Variants in SLC22A5 observed in about 807,000 individuals in gnomAD.
SLC22A5 encodes solute carrier family 22 member 5, also known as organic cation/carnitine transporter 2.
Under a neutral mutation model 56.7 loss-of-function variants are expected in SLC22A5, and 44 were observed. The ratio of observed to expected loss-of-function variants is 0.78; its 90% CI spans 0.61 to 1.00. SLC22A5 has a LOEUF of 1.00. SLC22A5 is among the 50% of genes least tolerant of loss of function. The probability of loss-of-function intolerance (pLI) is 0.00; values close to 1 mark genes in which losing one functional copy is unlikely to be tolerated. For synonymous variants in SLC22A5, 278 were observed against 292.1 expected, an observed-to-expected ratio of 0.95 and a Z score of 0.49; for missense variants, 675 against 723.0, an observed-to-expected ratio of 0.93 and a Z score of 0.76.
At chr5:132,386,416 G>C (rs1752531763) in intron 4 of SLC22A5, among the ~76,000 whole-genome samples, 1 of 151,932 alleles carries the variant, frequency 6.6e-6, no homozygotes, top group Non-Finnish European at 1.5e-5. Context: ...TTTCTTTGGA[G>C]AGACGGGTTT....
In SLC22A5 at chr5:132,370,048, A is replaced by G. The variant is rs1751828398; in HGVS notation, c.76A>G (p.Ser26Gly). 6.2e-7 allele frequency: 1 copy of G among 1,613,360 alleles called. No homozygotes were observed. Among genetic ancestry groups the G allele is most frequent in the Non-Finnish European group, 8.5e-7 (1 of 1,179,744 alleles). ...PFQRLIFFLL[S>G]ASIIPNGFTG... ...CCAGCGCCTCATCTTCTTCCTGCTC[A>G]GCGCCAGCATCATCCCCAATGGCTT... The change falls in exon 1 of 10, where the codon AGC (serine) becomes GGC (glycine). Residue 26 changes from serine to glycine, a missense_variant. Ser to Gly is a moderately conservative substitution (Grantham distance 56). Transcript: ENST00000245407.
At chr5:132,384,921 C>T (rs895824544) in intron 3 of SLC22A5, among the ~76,000 whole-genome samples, 1 of 152,144 alleles carries the variant, frequency 6.6e-6, no homozygotes, top group Non-Finnish European at 1.5e-5. Flanking sequence ...CTTTGAGTTC[C>T]TTGGGTTGTA....
At chr5:132,380,728 C>T (rs529723043) in intron 2 of SLC22A5, 9 of 152,130 alleles carry the variant, frequency 5.9e-5, no homozygotes, top group African/African-American at 1.9e-4. Context: ...AAAAGAACCA[C>T]GTTCATGGAT....
chr5:132,385,883 A>G (rs1489193434), intron 4 of SLC22A5, among the ~76,000 whole-genome samples: 2 of 152,262 alleles, frequency 1.3e-5, no homozygotes, highest in African/African-American at 2.4e-5. Context: ...AAGAGTCCTC[A>G]GGGTAGCCAC....
At chr5:132,392,368 T>C in intron 7 of SLC22A5, 65 bp from the exon 8 acceptor site, 1 of 1,442,978 alleles carries the variant, frequency 6.9e-7, no homozygotes, top group Non-Finnish European at 9.8e-7. Context: ...ATGTTTGTTT[T>C]GCTCTCAATA....
chr5:132,385,987 A>C (rs1752512424), intron 4 of SLC22A5, among the ~76,000 whole-genome samples: 3 of 152,224 alleles, frequency 2.0e-5, no homozygotes, highest in African/African-American at 7.2e-5. Context: ...AACACTGCAG[A>C]GGTGCTAAGG....
rs1176660001 is a variant in SLC22A5 at position 132,390,686 on chromosome 5, T to C, written c.1053-4T>C. On this transcript the variant is annotated splice_region_variant and splice_polypyrimidine_tract_variant and intron_variant, in intron 6 of 9. Transcript: ENST00000245407. ...TTCCAGCTTTCTTCTGCACTCTGTTTCAGGATGACCATATCAGTGGGCTAT... is the reference window on the plus strand; with the variant it reads ...TTCCAGCTTTCTTCTGCACTCTGTTCCAGGATGACCATATCAGTGGGCTAT... 1 of 1,609,304 alleles carries C rather than the reference T, an allele frequency of 6.2e-7. No homozygotes were observed. Among genetic ancestry groups the C allele is most frequent in the Non-Finnish European group, 8.5e-7 (1 of 1,175,546 alleles).
At chr5:132,370,467 A>T (rs1751866580) in intron 1 of SLC22A5, 102 bp downstream of exon 1, 1 of 1,299,452 alleles carries the variant, frequency 7.7e-7, no homozygotes. Context: ...GGACGCTGTC[A>T]CTCCCCCTCC....
chr5:132,392,230 A>G (rs1468503308), intron 7 of SLC22A5, among the ~76,000 whole-genome samples: 1 of 152,162 alleles, frequency 6.6e-6, no homozygotes, highest in Non-Finnish European at 1.5e-5. Flanking sequence ...AGGAAAGTGC[A>G]TGTCCTTATA....
intron 2 of SLC22A5, chr5:132,382,122 C>T: frequency 6.6e-6 from 1 of 152,128 alleles, no homozygotes; most frequent in East Asian, 1.9e-4. Flanking sequence ...ACATATCTGG[C>T]CTCTACTCAT....
chr5:132,378,523 T>C, intron 2 of SLC22A5, 42 bp downstream of exon 2: 1 of 1,423,578 alleles, frequency 7.0e-7, no homozygotes, highest in Non-Finnish European at 9.9e-7. Flanking sequence ...ACCTCAGCAC[T>C]GAGGAAGAAG....
intron 7 of SLC22A5, among the ~76,000 whole-genome samples, chr5:132,391,654 G>C (rs274552): frequency 0.75 from 114,794 of 152,082 alleles, 45,013 homozygotes; most frequent in East Asian, 0.91. Flanking sequence ...GCCTCACAGA[G>C]CCTTAGCAGG....
chr5:132,370,728 GCCAGGGGCTATC>G (rs1751881982), intron 1 of SLC22A5, among the ~76,000 whole-genome samples: 1 of 152,182 alleles, frequency 6.6e-6, no homozygotes, highest in African/African-American at 2.4e-5. Flanking sequence ...CAGGACTTGG[GCCAGGGGCTATC>G]CCGTTTTTCC....
chr5:132,387,165 G>A lies in SLC22A5; in HGVS notation c.951+14G>A. 1 of 1,614,064 alleles carries A rather than the reference G, an allele frequency of 6.2e-7. No homozygotes were observed. On this transcript the variant is annotated intron_variant, in intron 5 of 9. Transcript: ENST00000245407. Reference sequence around the variant, plus strand: ...GACCCGAGTGAGGTAAGCACCATGTGGGTGTGGGTGAGAGGGACAGACTGA... The same window carrying A: ...GACCCGAGTGAGGTAAGCACCATGTAGGTGTGGGTGAGAGGGACAGACTGA...
chr5:132,393,495 C>T (rs1752775939), intron 8 of SLC22A5, among the ~76,000 whole-genome samples, 181 bp from the exon 9 acceptor site: 1 of 152,188 alleles, frequency 6.6e-6, no homozygotes, highest in Non-Finnish European at 1.5e-5. Flanking sequence ...ATGCCTGTGC[C>T]AGCTCTGGGT....
intron 5 of SLC22A5, 121 bp downstream of exon 5, chr5:132,387,272 A>G: frequency 3.3e-6 from 4 of 1,210,464 alleles, no homozygotes; most frequent in Non-Finnish European, 4.9e-6. Flanking sequence ...CCAAGCCCCA[A>G]CTGCCCATTC....
intron 9 of SLC22A5, 79 bp downstream of exon 9, chr5:132,393,890 T>C: frequency 6.5e-7 from 1 of 1,529,680 alleles, no homozygotes; most frequent in South Asian, 1.1e-5. Flanking sequence ...ACAATAGAGC[T>C]ACTCGCAAAC....
intron 8 of SLC22A5, 71 bp downstream of exon 8, chr5:132,392,686 G>A: frequency 5.9e-6 from 8 of 1,351,674 alleles, no homozygotes; most frequent in Non-Finnish European, 8.5e-6. Context: ...ATGTGAGCTG[G>A]AGGTTGCGTG....
At chr5:132,388,820 G>T (rs1752613267) in intron 5 of SLC22A5, 101 bp from the exon 6 acceptor site, 1 of 820,140 alleles carries the variant, frequency 1.2e-6, no homozygotes, top group Admixed American at 1.8e-5. Context: ...CCGACGCTGA[G>T]ATGCAGACAG....
Sources: gnomAD v4.1 joint callset for allele counts (sites outside exome capture counted in the v4.1 genomes callset) on GRCh38, gnomAD v4.1.1 for gene constraint, MANE v1.5 for transcripts, NCBI Gene and HGNC (gene_info 2026-07-23, HGNC 2026-07-21) for gene names.